Variants in SLC6A4 observed in about 807,000 individuals in gnomAD.
SLC6A4 encodes solute carrier family 6 member 4.
A neutral mutation model predicts 73.4 loss-of-function variants in SLC6A4; 22 were observed. The ratio of observed to expected loss-of-function variants is 0.30; its 90% CI spans 0.21 to 0.43. The LOEUF (loss-of-function observed/expected upper bound fraction) is 0.43. Among genes scored for constraint, SLC6A4 ranks in the 20% least tolerant of loss-of-function variants. The pLI is 1.00. For synonymous variants in SLC6A4, 270 were observed against 315.5 expected, an observed-to-expected ratio of 0.86 and a Z score of 1.53; for missense variants, 593 against 808.5, an observed-to-expected ratio of 0.73 and a Z score of 3.23.
At chr17:30,233,451 GA>G (rs926268051) in intron 1 of SLC6A4, among the ~76,000 whole-genome samples, 12 of 152,178 alleles carry the variant, frequency 7.9e-5, no homozygotes, top group Admixed American at 3.3e-4. Flanking sequence ...GCCTTAGAGT[GA>G]AACCTGAGGG....
Position 30,221,649 on chromosome 17 carries a change from G to A in SLC6A4, c.310C>T (p.Arg104Cys), listed in dbSNP as rs200953188. The change falls in exon 3 of 15, where the codon CGC (arginine) becomes TGC (cysteine). Residue 104 changes from arginine (R) to cysteine (C), a missense_variant. Arg to Cys is a radical substitution (Grantham distance 180). Coordinates refer to ENST00000650711, the MANE Select transcript of SLC6A4 (RefSeq NM_001045.6). ...TTCTGGTAACATATGTAGGGGAAGC[G>A]CCAGACATTGCCCAGGTCCACAGCA... ...GYAVDLGNVW[R>C]FPYICYQNGG... The A allele has an allele frequency of 1.2e-6, 2 of 1,614,068 alleles. No individual in the cohort carries two copies. The highest frequency in any genetic ancestry group is 1.7e-6 in the Non-Finnish European group (2 of 1,179,966).
In SLC6A4 at chr17:30,217,372, G is replaced by A. The variant is rs894760186; in HGVS notation, c.699-68C>T. The A allele has an allele frequency of 6.7e-6, 10 of 1,489,764 alleles. No individual in the cohort carries two copies. The African/African-American group carries it at 7.0e-5, about 10-fold the overall frequency. 92.3% of individuals were successfully genotyped at this position (1,489,764 alleles called of 1,614,324 possible). On this transcript the variant is annotated intron_variant, in intron 5 of 14. Coordinates refer to ENST00000650711, the MANE Select transcript of SLC6A4 (RefSeq NM_001045.6). ...AGTGACCTGGGCACACATCTGTGCT[G>A]CTCCTTTGAGGGTGCCCGGGACAAA...
At position 30,230,104 on chromosome 17, in the gene SLC6A4, A is replaced by AGAAGAAGAAGAG. The variant is rs1312487384; in HGVS notation, c.-221+5508_-221+5509insCTCTTCTTCTTC. Among the ~76,000 whole-genome samples the AGAAGAAGAAGAG allele has an allele frequency of 2.6e-4, 31 of 119,902 alleles. No homozygotes were observed. The East Asian group carries it at 6.4e-3, about 25-fold the overall frequency. The allele number at this position is 119,902 out of a possible 152,430, so 78.7% of individuals were successfully genotyped here. A position where few individuals can be genotyped will look rare whatever the true frequency, so the allele number is the denominator to read the frequency against. On this transcript the variant is annotated intron_variant, in intron 1 of 14. Coordinates refer to ENST00000650711, the MANE Select transcript of SLC6A4 (RefSeq NM_001045.6). Reference sequence around the variant, plus strand: ...AAGAAGAAGAAGAAGAAGAGGAGGAAGAGGAAGAGGAAGAGGAAGAGGAGG... The same window carrying AGAAGAAGAAGAG: ...AAGAAGAAGAAGAAGAAGAGGAGGAAGAAGAAGAAGAGGAGGAAGAGGAAGAGGAAGAGGAGG...
intron 3 of SLC6A4, 94 bp from the exon 4 acceptor site, chr17:30,219,025 TGTGA>T (rs1906669720): frequency 1.3e-6 from 2 of 1,516,544 alleles, no homozygotes; most frequent in Non-Finnish European, 1.8e-6. Flanking sequence ...CGCCGGATGA[TGTGA>T]GTGTCAGGAG....
rs1422942980 is a variant in SLC6A4 at position 30,201,307 on chromosome 17, G to A, written c.1818+1865C>T. Among the ~76,000 whole-genome samples, 10 of 152,188 alleles carry A rather than the reference G, an allele frequency of 6.6e-5. No individual in the cohort carries two copies. The South Asian group carries it at 1.4e-3, about 22-fold the overall frequency. On this transcript the variant is annotated intron_variant, in intron 14 of 14. Transcript: ENST00000650711. ...TTTTCCATGGTCCTCACCGACAGGGGTGTATCACACTGCTTCCGGGTAACC... is the reference window on the plus strand; with the variant it reads ...TTTTCCATGGTCCTCACCGACAGGGATGTATCACACTGCTTCCGGGTAACC...
chr17:30,211,359 C>T lies in SLC6A4; in HGVS notation c.1270G>A (p.Ala424Thr). The T allele has an allele frequency of 1.2e-6, 2 of 1,613,714 alleles. No individual in the cohort carries two copies. The highest frequency in any genetic ancestry group is 1.7e-6 in the Non-Finnish European group (2 of 1,179,772). The change falls in exon 10 of 15, where the codon GCC (alanine) becomes ACC (threonine). Residue 424 changes from alanine to threonine, a missense_variant. Physicochemically the swap from Ala to Thr is moderately conservative, Grantham distance 58 (BLOSUM62 0). Transcript: ENST00000650711. The surrounding 1 kb of genome is among the most constrained non-coding windows in gnomAD (Gnocchi z 4.0). ...IANMPASTFF[A>T]IIFFLMLITL... is the part of the protein sequence containing the mutation. ...ATTAACATCAGAAAGAAGATGATGG[C>T]AAAGAAAGTGGACGCTGGCATGTTG...
At position 30,216,219 on chromosome 17, in the gene SLC6A4, G is replaced by T; in HGVS notation, c.838-3C>A. 7.5e-7 allele frequency: 1 copy of T among 1,330,152 alleles called. No homozygotes were observed. Among genetic ancestry groups the T allele is most frequent in the Non-Finnish European group, 1.0e-6 (1 of 984,460 alleles). The allele number at this position is 1,330,152 out of a possible 1,614,324, so 82.4% of individuals were successfully genotyped here. ...AAGGTGGCTGTCACCCACACCACCT[G>T]TAAGGAAGAAGGGTTATCACCATGC... is the stretch of plus-strand genomic sequence containing the variant. On this transcript the variant is annotated splice_region_variant and splice_polypyrimidine_tract_variant and intron_variant, in intron 6 of 14. Transcript: ENST00000650711.
At chr17:30,231,332 CTA>C (rs1028206224) in intron 1 of SLC6A4, among the ~76,000 whole-genome samples, 1 of 150,358 alleles carries the variant, frequency 6.7e-6, no homozygotes, top group East Asian at 1.9e-4. Flanking sequence ...TATATACACA[CTA>C]TATATATCTG....
intron 3 of SLC6A4, among the ~76,000 whole-genome samples, chr17:30,220,478 G>T (rs191889518): frequency 6.6e-6 from 1 of 152,168 alleles, no homozygotes; most frequent in East Asian, 1.9e-4. Flanking sequence ...ACAAGATAGG[G>T]CCTCTGGCCT....
In SLC6A4 at chr17:30,221,410, C is replaced by T. The variant is rs182703615; in HGVS notation, c.343+206G>A. ...ACAGCCCATCCCAGGTCACAGCCCA[C>T]CCGGGTCACAGCCCACCCCAGGTCA... On this transcript the variant is annotated intron_variant, in intron 3 of 14. Transcript: ENST00000650711. Among the ~76,000 whole-genome samples, 181 of 114,246 alleles carry T rather than the reference C, an allele frequency of 1.6e-3. 1 individual carries two copies. Among genetic ancestry groups the T allele is most frequent in the African/African-American group, 5.2e-3 (169 of 32,724 alleles). The allele number at this position is 114,246 out of a possible 152,430, so 74.9% of individuals were successfully genotyped here.
intron 2 of SLC6A4, 56 bp downstream of exon 2, chr17:30,222,763 C>G: frequency 7.7e-7 from 1 of 1,293,502 alleles, no homozygotes; most frequent in Non-Finnish European, 1.0e-6. Flanking sequence ...GGCCTTTCTG[C>G]GTTCCCATTA....
intron 4 of SLC6A4, 60 bp from the exon 5 acceptor site, chr17:30,218,397 A>T: frequency 7.3e-7 from 1 of 1,368,230 alleles, no homozygotes; most frequent in South Asian, 1.2e-5. Context: ...CAACGGCAAA[A>T]GGCTGAAACG....
chr17:30,226,809 G>T (rs1906938732), intron 1 of SLC6A4, among the ~76,000 whole-genome samples: 2 of 146,818 alleles, frequency 1.4e-5, no homozygotes, highest in African/African-American at 5.2e-5. Context: ...CTGAACCTGG[G>T]AGGCAGAGGT....
At chr17:30,229,856 C>A (rs748612560) in intron 1 of SLC6A4, among the ~76,000 whole-genome samples, 2 of 151,898 alleles carry the variant, frequency 1.3e-5, no homozygotes, top group Non-Finnish European at 2.9e-5. Flanking sequence ...CCTGTCTCTA[C>A]TAAAAATACA....
chr17:30,226,878 A>AAAAAAGAAAAG (rs754839808), intron 1 of SLC6A4, among the ~76,000 whole-genome samples: 2 of 120,524 alleles, frequency 1.7e-5, no homozygotes, highest in Non-Finnish European at 3.7e-5. Flanking sequence ...GTCTCAAAAA[A>AAAAAAGAAAAG]AAAAGAAAAA....
At position 30,221,569 on chromosome 17, in the gene SLC6A4, C is replaced by T. The variant is rs199871567; in HGVS notation, c.343+47G>A. 1.0e-3 allele frequency: 1,627 copies of T among 1,550,132 alleles called. 2 individuals carry two copies. The highest frequency in any genetic ancestry group is 1.3e-3 in the Non-Finnish European group (1,519 of 1,131,820). ...CCGGGTCACAGCCCACTCCGGGTCACAGCCCACCCTGGGTCACAGCCTCTA... is the reference window on the plus strand; with the variant it reads ...CCGGGTCACAGCCCACTCCGGGTCATAGCCCACCCTGGGTCACAGCCTCTA... On this transcript the variant is annotated intron_variant, in intron 3 of 14. Transcript: ENST00000650711.
chr17:30,205,163 C>T (rs1301226880), intron 13 of SLC6A4, among the ~76,000 whole-genome samples: 1 of 152,080 alleles, frequency 6.6e-6, no homozygotes, highest in East Asian at 1.9e-4. Flanking sequence ...AATCATGGAT[C>T]TTTTTGAATT....
In SLC6A4 at chr17:30,198,471, G is replaced by A. The variant is rs763107416; in HGVS notation, c.1878C>T (p.Arg626=). 8.1e-6 allele frequency: 13 copies of A among 1,604,014 alleles called. No homozygotes were observed. The highest frequency in any genetic ancestry group is 3.3e-5 in the Admixed American group (2 of 59,874). The change falls in exon 15 of 15, where the codon CGC becomes CGT. Residue 626 remains arginine (R), a synonymous_variant. Coordinates refer to ENST00000650711, the MANE Select transcript of SLC6A4 (RefSeq NM_001045.6). ...TPTEIPCGDI[R]LNAV Reference sequence around the variant, plus strand: ...GGTGAGTGTGTTACACAGCATTCAAGCGGATGTCCCCACAAGGAATTTCTG... The same window carrying A: ...GGTGAGTGTGTTACACAGCATTCAAACGGATGTCCCCACAAGGAATTTCTG...
At position 30,216,608 on chromosome 17, in the gene SLC6A4, G is replaced by GA. The variant is rs557448054; in HGVS notation, c.838-393dup. On this transcript the variant is annotated intron_variant, in intron 6 of 14. Coordinates refer to ENST00000650711, the MANE Select transcript of SLC6A4 (RefSeq NM_001045.6). ...ACTACCAGTGGGTTGAAGGAATCTT[G>GA]AAAAAAAAAAATCATGTAATGGTTC... is the stretch of plus-strand genomic sequence containing the variant. 1.4e-3 allele frequency among the ~76,000 whole-genome samples: 209 copies of GA among 144,884 alleles called. 7 individuals are homozygous for GA. In the South Asian group the frequency reaches 0.032, roughly 22 times the overall value.
Sources: gnomAD v4.1 joint callset for allele counts (sites outside exome capture counted in the v4.1 genomes callset) on GRCh38, gnomAD v4.1.1 for gene constraint, Gnocchi (gnomAD v3.1) non-coding constraint, MANE v1.5 for transcripts, NCBI Gene and HGNC (gene_info 2026-07-23, HGNC 2026-07-21) for gene names.